EZH2: variants seen among roughly 807,000 people sequenced by gnomAD.
EZH2 encodes the protein histone-lysine N-methyltransferase EZH2.
A neutral mutation model predicts 98.4 loss-of-function variants in EZH2; 18 were observed. The observed-to-expected ratio is 0.18, with a 90% CI of 0.13 to 0.27. The LOEUF is 0.27. EZH2 is among the 10% of genes least tolerant of loss of function. The pLI is 1.00. For synonymous variants in EZH2, 338 were observed against 312.3 expected (o/e 1.08, Z -0.87); for missense variants, 470 against 935.1 (o/e 0.50, Z 6.49).
intron 13 of EZH2, 143 bp downstream of exon 13, chr7:148,815,363 C>T (rs543576044): frequency 1.3e-4 from 113 of 850,990 alleles, no homozygotes; most frequent in Admixed American, 3.4e-4. Context: ...CATCAGTAGA[C>T]GTCCTCCATT....
chr7:148,861,253 G>T (rs1817624521), intron 1 of EZH2, among the ~76,000 whole-genome samples: 1 of 144,612 alleles, frequency 6.9e-6, no homozygotes, highest in Non-Finnish European at 1.5e-5. Flanking sequence ...TGGAGACAGA[G>T]TCTCACTCTG....
intron 6 of EZH2, among the ~76,000 whole-genome samples, chr7:148,828,183 G>A (rs560126304): frequency 1.1e-4 from 17 of 152,262 alleles, no homozygotes; most frequent in African/African-American, 4.1e-4. Context: ...TAAGTGAGCT[G>A]GTGCATAAGA....
chr7:148,871,961 C>T (rs999436531), intron 1 of EZH2, among the ~76,000 whole-genome samples: 1 of 152,120 alleles, frequency 6.6e-6, no homozygotes, highest in East Asian at 1.9e-4. Flanking sequence ...GTTCAATGGG[C>T]AACCATATAT....
intron 1 of EZH2, among the ~76,000 whole-genome samples, chr7:148,861,662 T>C (rs970565756): frequency 1.3e-5 from 2 of 152,070 alleles, no homozygotes; most frequent in Non-Finnish European, 2.9e-5. Flanking sequence ...AGAAACTTAT[T>C]TTCCTTTAAA....
chr7:148,856,161 C>A (rs1816806132), intron 1 of EZH2, among the ~76,000 whole-genome samples: 1 of 152,068 alleles, frequency 6.6e-6, no homozygotes, highest in African/African-American at 2.4e-5. Context: ...GGGAGCTAAT[C>A]TACAGAACTT....
intron 1 of EZH2, among the ~76,000 whole-genome samples, chr7:148,878,450 C>G (rs1200323022): frequency 1.3e-5 from 2 of 152,184 alleles, no homozygotes; most frequent in Admixed American, 6.5e-5. Context: ...GAATTTCACT[C>G]CTTTTATGTC....
intron 1 of EZH2, among the ~76,000 whole-genome samples, chr7:148,861,986 G>T (rs990380695): frequency 6.6e-6 from 1 of 152,108 alleles, no homozygotes; most frequent in African/African-American, 2.4e-5. Flanking sequence ...TTAGAAAAGG[G>T]AGAGTGTTTG....
At chr7:148,812,469 C>T (rs531919680) in intron 15 of EZH2, among the ~76,000 whole-genome samples, 11 of 152,300 alleles carry the variant, frequency 7.2e-5, no homozygotes, top group Non-Finnish European at 1.3e-4. Context: ...CTATCTATTC[C>T]TATTCTGGAC....
chr7:148,820,301 G>GT (rs1220609379), intron 8 of EZH2, among the ~76,000 whole-genome samples: 2 of 152,246 alleles, frequency 1.3e-5, no homozygotes, highest in African/African-American at 4.8e-5. Flanking sequence ...CCAAAATAAT[G>GT]TAACAGAAAG....
At chr7:148,833,626 T>A (rs6959647) in intron 3 of EZH2, among the ~76,000 whole-genome samples, 1 of 152,024 alleles carries the variant, frequency 6.6e-6, no homozygotes, top group African/African-American at 2.4e-5. Flanking sequence ...AAAGTAAATT[T>A]AAGTCTATTC....
At chr7:148,860,248 CAT>C (rs925422554) in intron 1 of EZH2, among the ~76,000 whole-genome samples, 23 of 149,712 alleles carry the variant, frequency 1.5e-4, no homozygotes, top group African/African-American at 2.5e-4. Flanking sequence ...AAAAACACCA[CAT>C]GAGAAAAAAA....
At position 148,819,681 on chromosome 7, in the gene EZH2, T is replaced by A. The variant is rs1189608375; in HGVS notation, c.914A>T (p.His305Leu). ...FLHRKCNYSF[H>L]ATPNTYKRKN... is the part of the protein sequence containing the mutation. ...CCGCTTATAAGTGTTGGGTGTTGCA[T>A]GAAAAGCTGCAAAATAAATGAAACA... The change falls in exon 9 of 20, where the codon CAT becomes CTT. Residue 305 changes from histidine to leucine, a missense_variant. His to Leu is a moderately conservative substitution (Grantham distance 99, BLOSUM62 -3). Transcript: ENST00000320356. 6.2e-7 allele frequency: 1 copy of A among 1,613,734 alleles called. No individual in the cohort carries two copies. Among genetic ancestry groups the A allele is most frequent in the Non-Finnish European group, 8.5e-7 (1 of 1,179,846 alleles).
At chr7:148,846,401 C>T (rs1451252076) in intron 3 of EZH2, 69 bp downstream of exon 3, 4 of 1,534,968 alleles carry the variant, frequency 2.6e-6, no homozygotes, top group Non-Finnish European at 3.5e-6. Flanking sequence ...TCCCAATAAC[C>T]AAACAAATGT....
chr7:148,826,513 G>T lies in EZH2; in HGVS notation c.848C>A (p.Thr283Lys). Residue 283 changes from threonine to lysine, a missense_variant, in exon 8 of 20, where the codon ACG (threonine) becomes AAG (lysine). This residue lies in a region of EZH2 where 192 missense variants were observed against 306.8 expected (regional missense o/e 0.63). Coordinates refer to ENST00000320356, the MANE Select transcript of EZH2 (RefSeq NM_004456.5). ...TTTAAAACATCGCCTACAGAAAAGC[G>T]TATGAAAGGAGTGTAAGCTTTGCTC... is the stretch of plus-strand genomic sequence containing the variant. The part of the protein sequence containing the change: ...QREQSLHSFH[T>K]LFCRRCFKYD... The T allele has an allele frequency of 6.2e-7, 1 of 1,605,380 alleles. No homozygotes were observed.
At chr7:148,860,966 C>G (rs1355439242) in intron 1 of EZH2, among the ~76,000 whole-genome samples, 1 of 152,098 alleles carries the variant, frequency 6.6e-6, no homozygotes, top group African/African-American at 2.4e-5. Flanking sequence ...AGCCACTACA[C>G]CTGGCCTGTT....
chr7:148,807,405 T>C lies in EZH2; in HGVS notation c.*241A>G, dbSNP rs1270413969. The C allele has an allele frequency of 2.0e-6, 1 of 500,440 alleles. No individual in the cohort carries two copies. The highest frequency in any genetic ancestry group is 3.6e-6 in the Non-Finnish European group (1 of 281,060). 31.0% of individuals were successfully genotyped at this position (500,440 alleles called of 1,614,324 possible). A position where few individuals can be genotyped will look rare whatever the true frequency, so the allele number is the denominator to read the frequency against. On this transcript the variant is annotated 3_prime_UTR_variant, in exon 20 of 20. Transcript: ENST00000320356. ...AAGGACAAGTTCAAGTATTCTTTAT[T>C]CAAAGTTGAAAAATGTACCATACTG...
chr7:148,865,891 T>G (rs941125216), intron 1 of EZH2, among the ~76,000 whole-genome samples: 3 of 152,186 alleles, frequency 2.0e-5, no homozygotes, highest in Admixed American at 1.3e-4. Flanking sequence ...GTAATTTCAA[T>G]TTTTGAGTTC....
chr7:148,831,316 C>T (rs1233340233), intron 4 of EZH2, among the ~76,000 whole-genome samples: 3 of 152,164 alleles, frequency 2.0e-5, no homozygotes, highest in South Asian at 2.1e-4. Context: ...ACACTAGAGG[C>T]CTGTTTTCAT....
chr7:148,846,474 C>G lies in EZH2; in HGVS notation c.242G>C (p.Arg81Thr), dbSNP rs1273062625. The G allele has an allele frequency of 6.2e-7, 1 of 1,612,898 alleles. No homozygotes were observed. The highest frequency in any genetic ancestry group is 2.2e-5 in the East Asian group (1 of 44,868). Residue 81 changes from arginine to threonine, a missense_variant, in exon 3 of 20, where the codon AGG becomes ACG. By Grantham distance (71) the Arg-to-Thr change is moderately conservative. Coordinates refer to ENST00000320356, the MANE Select transcript of EZH2 (RefSeq NM_004456.5). Reference sequence around the variant, plus strand: ...CAACATGTTATGTTAACCAACCTCCCTAGTCCCGCGCAATGAGCTCACAGA... The same window carrying G: ...CAACATGTTATGTTAACCAACCTCCGTAGTCCCGCGCAATGAGCTCACAGA... ...LTSVSSLRGT[R>T]ECSVTSDLDF...
Sources: gnomAD v4.1 joint callset for allele counts (sites outside exome capture counted in the v4.1 genomes callset) on GRCh38, gnomAD v4.1.1 for gene constraint, gnomAD v4.1.1 regional missense constraint, MANE v1.5 for transcripts, NCBI Gene and HGNC (gene_info 2026-07-23, HGNC 2026-07-21) for gene names.